CLIC2: variants seen among roughly 807,000 people sequenced by gnomAD.
CLIC2 encodes the protein chloride intracellular channel protein 2.
A neutral mutation model predicts 14.8 loss-of-function variants in CLIC2; 9 were observed. The ratio of observed to expected loss-of-function variants is 0.61; its 90% CI spans 0.37 to 1.06. CLIC2 has a LOEUF of 1.06. CLIC2 is among the 50% of genes least tolerant of loss of function. The pLI, the probability that CLIC2 is intolerant of heterozygous loss-of-function variation, is 0.01. For missense variants in CLIC2, 148 were observed against 181.4 expected (o/e 0.82, Z 1.06); for synonymous variants, 61 against 66.3 (o/e 0.92, Z 0.39).
intron 1 of CLIC2, among the ~76,000 whole-genome samples, chrX:155,320,093 G>A (rs1272504265): frequency 8.9e-6 from 1 of 112,180 alleles, no homozygotes; most frequent in African/African-American, 3.2e-5. Context: ...ATCTCCCTGC[G>A]ACAGAACACC....
intron 1 of CLIC2, among the ~76,000 whole-genome samples, chrX:155,299,683 G>A (rs1557318791): frequency 2.9e-5 from 3 of 104,907 alleles, no homozygotes; most frequent in East Asian, 3.2e-4. Flanking sequence ...CCACTAACTC[G>A]TCATCTAGCA....
Position 155,297,884 on chromosome X carries a change from A to AAAAAAAAAAAAAAAAAAAAAAAAAAAG in CLIC2, c.293+900_293+901insCTTTTTTTTTTTTTTTTTTTTTTTTTT, listed in dbSNP as rs1557318527. Among the ~76,000 whole-genome samples the AAAAAAAAAAAAAAAAAAAAAAAAAAAG allele has an allele frequency of 2.1e-3, 94 of 45,224 alleles. 31 individuals are homozygous for AAAAAAAAAAAAAAAAAAAAAAAAAAAG. The highest frequency in any genetic ancestry group is 5.1e-3 in the South Asian group (3 of 593). The allele number at this position is 45,224 out of a possible 115,157, so 39.3% of individuals were successfully genotyped here. A position where few individuals can be genotyped will look rare whatever the true frequency, so the allele number is the denominator to read the frequency against. Reference sequence around the variant, plus strand: ...TCAAAAAAAAAAAAAAAAAAAAAAAAAAGAAGGTGAACCATCAGAGAGACA... The same window carrying AAAAAAAAAAAAAAAAAAAAAAAAAAAG: ...TCAAAAAAAAAAAAAAAAAAAAAAAAAAAAAAAAAAAAAAAAAAAAAAAAAAGAAGAAGGTGAACCATCAGAGAGACA... On this transcript the variant is annotated intron_variant, in intron 3 of 5. Coordinates refer to ENST00000369449, the MANE Select transcript of CLIC2 (RefSeq NM_001289.6).
At chrX:155,304,899 A>G (rs1434529645) in intron 1 of CLIC2, among the ~76,000 whole-genome samples, 2 of 100,802 alleles carry the variant, frequency 2.0e-5, no homozygotes, top group Non-Finnish European at 4.1e-5. Context: ...CTCGGGGGTC[A>G]GGGGTCAGGG....
rs2075158479 is a variant in CLIC2, at chrX:155,331,992, AT to A, written c.57+2378del. On this transcript the variant is annotated intron_variant, in intron 1 of 5. Transcript: ENST00000369449. Reference sequence around the variant, plus strand: ...AAATTCCATAATTTTATGTACAAATATACTAAAACTTAATTTTAGAGTCTTT... The same window carrying A: ...AAATTCCATAATTTTATGTACAAATAACTAAAACTTAATTTTAGAGTCTTT... Among the ~76,000 whole-genome samples the A allele has an allele frequency of 3.6e-5, 4 of 111,777 alleles. No individual in the cohort carries two copies. In the South Asian group the frequency reaches 1.5e-3, roughly 41 times the overall value.
intron 3 of CLIC2, among the ~76,000 whole-genome samples, chrX:155,296,432 C>G (rs781813474): frequency 1.1e-4 from 12 of 111,737 alleles, no homozygotes; most frequent in Middle Eastern, 4.6e-3. Context: ...AGGGAAAATT[C>G]TTCTGGACAT....
rs782187465 is a variant in CLIC2, at chrX:155,325,446, A to G, written c.57+8925T>C. On this transcript the variant is annotated intron_variant, in intron 1 of 5. Transcript: ENST00000369449. The stretch of plus-strand genomic sequence containing the variant: ...TGCAGCCATAAAAGAGAATGAGTTC[A>G]TGTCCTTTGCAGAGACATGGATAAA... Among the ~76,000 whole-genome samples the G allele has an allele frequency of 1.3e-4, 14 of 110,855 alleles. No homozygotes were observed. The East Asian group carries it at 3.4e-3, about 27-fold the overall frequency.
rs782051677 is a variant in CLIC2, at chrX:155,294,037, A to G, written c.293+4748T>C. Among the ~76,000 whole-genome samples the G allele has an allele frequency of 2.7e-5, 3 of 112,092 alleles. No individual in the cohort carries two copies. The South Asian group carries it at 1.1e-3, about 41-fold the overall frequency. ...AAATCAACAAATAAACATTAGACTT[A>G]AACTGGACTTTAGACCAAATGAACC... is the stretch of plus-strand genomic sequence containing the variant. On this transcript the variant is annotated intron_variant, in intron 3 of 5. Coordinates refer to ENST00000369449, the MANE Select transcript of CLIC2 (RefSeq NM_001289.6).
chrX:155,309,128 C>A (rs2075065500), intron 1 of CLIC2, among the ~76,000 whole-genome samples: 1 of 110,843 alleles, frequency 9.0e-6, no homozygotes, highest in Admixed American at 9.5e-5. Context: ...GTAAAAAAAA[C>A]CCTCTGTCTC....
At chrX:155,283,845 T>C (rs2074929687) in intron 3 of CLIC2, among the ~76,000 whole-genome samples, 2 of 112,180 alleles carry the variant, frequency 1.8e-5, no homozygotes, top group African/African-American at 3.2e-5. Context: ...TAACTAATTT[T>C]GTAAAGCCTA....
At chrX:155,309,383 C>A (rs1490941009) in intron 1 of CLIC2, among the ~76,000 whole-genome samples, 1 of 111,865 alleles carries the variant, frequency 8.9e-6, no homozygotes, top group Non-Finnish European at 1.9e-5. Context: ...GAAAATACTT[C>A]TAATATCATT....
intron 1 of CLIC2, among the ~76,000 whole-genome samples, chrX:155,305,455 C>T (rs3120727): frequency 3.6e-5 from 4 of 112,265 alleles, no homozygotes; most frequent in African/African-American, 6.5e-5. Context: ...CACGCACCCA[C>T]TGACCTGCGC....
chrX:155,334,224 G>A, intron 1 of CLIC2, 147 bp downstream of exon 1: 1 of 512,788 alleles, frequency 2.0e-6, no homozygotes, highest in Non-Finnish European at 3.5e-6. Flanking sequence ...CACACACCCG[G>A]GCATTCTTCT....
intron 1 of CLIC2, among the ~76,000 whole-genome samples, chrX:155,300,987 A>G (rs1371525853): frequency 1.3e-4 from 7 of 55,976 alleles, no homozygotes; most frequent in African/African-American, 3.2e-4. Context: ...GTAGCCTTGT[A>G]GTATAGTTTG....
chrX:155,310,615 G>T, intron 1 of CLIC2: 1 of 131,016 alleles, frequency 7.6e-6, no homozygotes, highest in Non-Finnish European at 1.6e-5. Context: ...CTACCATTCT[G>T]GGGTCTGGAG....
intron 1 of CLIC2, among the ~76,000 whole-genome samples, chrX:155,305,035 T>G (rs951249818): frequency 5.5e-4 from 62 of 111,877 alleles, no homozygotes; most frequent in African/African-American, 1.8e-3. Flanking sequence ...GTCTTTTTGT[T>G]TGTCTATGCC....
chrX:155,308,672 A>C, intron 1 of CLIC2, among the ~76,000 whole-genome samples: 1 of 112,511 alleles, frequency 8.9e-6, no homozygotes, highest in Non-Finnish European at 1.9e-5. Flanking sequence ...AAGAGAAAAG[A>C]AACTAATAAC....
At chrX:155,299,588 T>C (rs1432950487) in intron 1 of CLIC2, among the ~76,000 whole-genome samples, 1 of 110,354 alleles carries the variant, frequency 9.1e-6, no homozygotes, top group African/African-American at 3.3e-5. Flanking sequence ...TTTTTTTTAT[T>C]ATTATACTTT....
chrX:155,322,259 T>C (rs2075118338), intron 1 of CLIC2, among the ~76,000 whole-genome samples: 1 of 111,765 alleles, frequency 8.9e-6, no homozygotes, highest in African/African-American at 3.3e-5. Context: ...TATACATTCC[T>C]CTCAGCACCA....
At chrX:155,291,321 C>A in intron 3 of CLIC2, 1 of 896,454 alleles carries the variant, frequency 1.1e-6, no homozygotes, top group South Asian at 2.0e-5. Context: ...CCATTTCTGG[C>A]TCTGGCAAGA....
Sources: gnomAD v4.1 joint callset for allele counts (sites outside exome capture counted in the v4.1 genomes callset) on GRCh38, gnomAD v4.1.1 for gene constraint, MANE v1.5 for transcripts, NCBI Gene and HGNC (gene_info 2026-07-23, HGNC 2026-07-21) for gene names.